LTBP1: variants seen among roughly 807,000 people sequenced by gnomAD.
LTBP1 encodes latent-transforming growth factor beta-binding protein 1.
A neutral mutation model predicts 207.6 loss-of-function variants in LTBP1; 129 were observed. The observed-to-expected ratio is 0.62, with a 90% CI of 0.54 to 0.72. The LOEUF is 0.72. Ranked by LOEUF, LTBP1 falls within the 30% of genes least tolerant of loss-of-function variation. LTBP1 has a pLI of 0.00. For missense variants in LTBP1, 2,281 were observed against 2,217.2 expected (o/e 1.03, Z -0.58); for synonymous variants, 963 against 833.7 (o/e 1.16, Z -2.67).
intron 22 of LTBP1, among the ~76,000 whole-genome samples, chr2:33,306,785 G>A (rs2094103374): frequency 6.6e-6 from 1 of 151,862 alleles, no homozygotes; most frequent in Non-Finnish European, 1.5e-5. Flanking sequence ...AAGAAAGAAA[G>A]GTTAATGGAA....
intron 4 of LTBP1, among the ~76,000 whole-genome samples, chr2:33,111,364 G>A (rs79188433): frequency 0.029 from 4,358 of 152,190 alleles, 195 homozygotes; most frequent in African/African-American, 0.093. Context: ...AGTGTCTGCC[G>A]GCAGCATCTG....
intron 8 of LTBP1, among the ~76,000 whole-genome samples, chr2:33,220,695 A>G (rs1195909691): frequency 1.3e-5 from 2 of 152,246 alleles, no homozygotes; most frequent in African/African-American, 2.4e-5. Context: ...AGGAATTTGC[A>G]GCCAGAGATC....
In LTBP1 at chr2:33,377,484, T is replaced by TA. The variant is rs1249553848; in HGVS notation, c.4712-11700_4712-11699insA. ...GAGTGTCAGTTGTATTCATGGCACTTTTCCTAAGAGCTATACTGCATGGAA... is the reference window on the plus strand; with the variant it reads ...GAGTGTCAGTTGTATTCATGGCACTTATTCCTAAGAGCTATACTGCATGGAA... On this transcript the variant is annotated intron_variant, in intron 31 of 33. Transcript: ENST00000404816. Among the ~76,000 whole-genome samples, 4 of 152,324 alleles carry TA rather than the reference T, an allele frequency of 2.6e-5. No individual in the cohort carries two copies. In the East Asian group the frequency reaches 7.7e-4, roughly 29 times the overall value.
At chr2:33,112,780 C>G (rs552257938) in intron 4 of LTBP1, among the ~76,000 whole-genome samples, 5 of 152,286 alleles carry the variant, frequency 3.3e-5, no homozygotes, top group African/African-American at 4.8e-5. Context: ...CCTAAACATA[C>G]TGTCTCTGCA....
intron 3 of LTBP1, among the ~76,000 whole-genome samples, chr2:33,098,861 A>G (rs1220542622): frequency 1.3e-5 from 2 of 152,210 alleles, no homozygotes; most frequent in Admixed American, 6.5e-5. Context: ...CTCCTGGTAT[A>G]TATGGGAACT....
chr2:33,194,901 T>TA (rs1573098681), intron 7 of LTBP1, among the ~76,000 whole-genome samples: 2 of 152,316 alleles, frequency 1.3e-5, no homozygotes, highest in East Asian at 3.9e-4. Flanking sequence ...CCAGTGCTCA[T>TA]AGGCTGTTCT....
chr2:33,345,680 A>C (rs1444886947), intron 25 of LTBP1, among the ~76,000 whole-genome samples: 1 of 152,230 alleles, frequency 6.6e-6, no homozygotes, highest in African/African-American at 2.4e-5. Flanking sequence ...AACTGAGGTA[A>C]TTATCCAAAT....
chr2:33,271,581 ATTTTTAAGGAAGACT>A (rs372075981), intron 15 of LTBP1, among the ~76,000 whole-genome samples: 6,072 of 152,192 alleles, frequency 0.04, 405 homozygotes, highest in African/African-American at 0.13. Context: ...TACAAGTTAT[ATTTTTAAGGAAGACT>A]TTTCAGATTA....
intron 2 of LTBP1, among the ~76,000 whole-genome samples, chr2:32,971,002 T>TTTTG (rs1680771779): frequency 7.0e-6 from 1 of 142,528 alleles, no homozygotes; most frequent in African/African-American, 2.6e-5. Flanking sequence ...TCCTAGGTAT[T>TTTTG]TGTGTGTGTG....
Position 33,287,093 on chromosome 2 carries a change from TAAAAA to T in LTBP1, c.3113-6066_3113-6062del, listed in dbSNP as rs1480133989. ...ACTTAAAAGTATAATAAAAATAAAA[TAAAAA>T]CAACAACAACAACAACAACAACAAC... On this transcript the variant is annotated intron_variant, in intron 19 of 33. Transcript: ENST00000404816. Among the ~76,000 whole-genome samples, 4 of 149,744 alleles carry T rather than the reference TAAAAA, an allele frequency of 2.7e-5. No homozygotes were observed. The East Asian group carries it at 7.7e-4, about 29-fold the overall frequency.
chr2:33,004,786 A>AATATATATATATATATATATATATATAT lies in LTBP1; in HGVS notation c.566-16121_566-16094dup, dbSNP rs34777461. 7.9e-5 allele frequency among the ~76,000 whole-genome samples: 8 copies of AATATATATATATATATATATATATATAT among 101,104 alleles called. 1 individual carries two copies. The highest frequency in any genetic ancestry group is 9.5e-5 in the Non-Finnish European group (5 of 52,898). The allele number at this position is 101,104 out of a possible 152,430, so 66.3% of individuals were successfully genotyped here. On this transcript the variant is annotated intron_variant, in intron 2 of 33. Transcript: ENST00000404816. ...TGAGCCTCAGTCTCAAAAAAAAAGG[A>AATATATATATATATATATATATATATAT]ATATATATATATATATATATATATA...
intron 3 of LTBP1, among the ~76,000 whole-genome samples, chr2:33,048,987 T>G (rs1224134666): frequency 6.6e-6 from 1 of 152,232 alleles, no homozygotes; most frequent in Admixed American, 6.5e-5. Context: ...GCAGATAATT[T>G]AAAAGTTAAT....
At chr2:32,961,813 G>A (rs1679159919) in intron 2 of LTBP1, among the ~76,000 whole-genome samples, 1 of 152,110 alleles carries the variant, frequency 6.6e-6, no homozygotes, top group Non-Finnish European at 1.5e-5. Context: ...GGGCGTGGTG[G>A]TGGGCGCCGG....
intron 2 of LTBP1, among the ~76,000 whole-genome samples, chr2:33,017,198 C>T (rs1229370411): frequency 6.6e-6 from 1 of 152,118 alleles, no homozygotes; most frequent in African/African-American, 2.4e-5. Flanking sequence ...AAAATGACAT[C>T]TAAAATTGCA....
intron 2 of LTBP1, among the ~76,000 whole-genome samples, chr2:32,971,480 T>C (rs2148587579): frequency 6.6e-6 from 1 of 152,320 alleles, no homozygotes; most frequent in Non-Finnish European, 1.5e-5. Context: ...GCCTAGTTTA[T>C]TGAGGGTTTT....
intron 23 of LTBP1, 152 bp from the exon 24 acceptor site, chr2:33,314,992 G>T (rs1213726377): frequency 4.8e-6 from 3 of 622,262 alleles, no homozygotes; most frequent in Non-Finnish European, 8.0e-6. Context: ...AACTCAGCTT[G>T]TCCTGTGGTT....
intron 30 of LTBP1, among the ~76,000 whole-genome samples, chr2:33,364,926 T>C (rs1036016360): frequency 1.3e-5 from 2 of 152,196 alleles, no homozygotes; most frequent in Admixed American, 6.5e-5. Flanking sequence ...AGTCCAGGGC[T>C]TTGGCAGATT....
intron 3 of LTBP1, among the ~76,000 whole-genome samples, chr2:33,022,801 A>T (rs938958220): frequency 2.4e-4 from 37 of 152,240 alleles, no homozygotes; most frequent in Non-Finnish European, 5.0e-4. Flanking sequence ...TAGACAGTGT[A>T]TGAATTAATG....
intron 31 of LTBP1, among the ~76,000 whole-genome samples, chr2:33,375,447 G>A (rs1029458807): frequency 2.6e-5 from 4 of 152,196 alleles, no homozygotes; most frequent in Non-Finnish European, 5.9e-5. Context: ...ACCTGTGCCC[G>A]GCCAGGCTCC....
Sources: gnomAD v4.1 joint callset for allele counts (sites outside exome capture counted in the v4.1 genomes callset) on GRCh38, gnomAD v4.1.1 for gene constraint, MANE v1.5 for transcripts, NCBI Gene and HGNC (gene_info 2026-07-23, HGNC 2026-07-21) for gene names.